Variants in NUP205 observed in about 807,000 individuals in gnomAD.
NUP205 encodes nucleoporin 205.
Under a neutral mutation model 253.8 loss-of-function variants are expected in NUP205, and 76 were observed. That is an observed-to-expected ratio of 0.30 (90% CI 0.25 to 0.36). The LOEUF (loss-of-function observed/expected upper bound fraction) is 0.36, where lower values mean the gene tolerates loss of function less well. Among genes scored for constraint, NUP205 ranks in the 10% least tolerant of loss-of-function variants. NUP205 has a pLI of 1.00. For missense variants in NUP205, 2,162 were observed against 2,425.5 expected (o/e 0.89, Z 2.28); for synonymous variants, 832 against 850.1 (o/e 0.98, Z 0.37).
intron 15 of NUP205, among the ~76,000 whole-genome samples, chr7:135,599,616 G>T (rs1793922585): frequency 6.6e-6 from 1 of 151,814 alleles, no homozygotes. Context: ...TCTTAAAAAG[G>T]TCATTGTGAT....
chr7:135,568,566 T>C (rs1418391811), intron 1 of NUP205, among the ~76,000 whole-genome samples: 1 of 152,098 alleles, frequency 6.6e-6, no homozygotes, highest in Non-Finnish European at 1.5e-5. Flanking sequence ...ACTCCTAGCC[T>C]CAAGTGATCT....
chr7:135,558,660 G>C (rs1204273007), intron 1 of NUP205, among the ~76,000 whole-genome samples: 1 of 152,188 alleles, frequency 6.6e-6, no homozygotes, highest in Non-Finnish European at 1.5e-5. Flanking sequence ...AGTGGTGTTT[G>C]AATGAGTGAG....
At chr7:135,569,476 G>A (rs530650667) in intron 1 of NUP205, among the ~76,000 whole-genome samples, 15 of 151,712 alleles carry the variant, frequency 9.9e-5, no homozygotes, top group Admixed American at 2.6e-4. Flanking sequence ...GTAAATTATG[G>A]TGAAAGTACA....
chr7:135,588,281 C>T (rs1439208747), intron 10 of NUP205, among the ~76,000 whole-genome samples: 2 of 151,052 alleles, frequency 1.3e-5, no homozygotes, highest in Admixed American at 6.6e-5. Flanking sequence ...GTCGGGACTA[C>T]AGGCATACAC....
At chr7:135,642,071 A>G (rs1008505399) in intron 38 of NUP205, among the ~76,000 whole-genome samples, 3 of 151,838 alleles carry the variant, frequency 2.0e-5, no homozygotes, top group Admixed American at 6.6e-5. Context: ...CCTGGCCATC[A>G]TGGTGAAACC....
intron 30 of NUP205, among the ~76,000 whole-genome samples, chr7:135,622,372 A>G (rs1462675703): frequency 2.0e-5 from 3 of 150,884 alleles, no homozygotes; most frequent in African/African-American, 7.3e-5. Context: ...GCAGTGAGCC[A>G]AGATCATGCC....
Position 135,573,753 on chromosome 7 carries a change from A to C in NUP205, c.271A>C (p.Ile91Leu), listed in dbSNP as rs751881234. The C allele has an allele frequency of 1.9e-6, 3 of 1,613,996 alleles. No individual in the cohort carries two copies. The highest frequency in any genetic ancestry group is 1.3e-5 in the African/African-American group (1 of 75,056). The change falls in exon 3 of 43, where the codon ATT becomes CTT. Residue 91 changes from isoleucine to leucine, a missense_variant. By Grantham distance (5) the Ile-to-Leu change is conservative. Coordinates refer to ENST00000285968, the MANE Select transcript of NUP205 (RefSeq NM_015135.3). ...AACTCGACTTCTTCCTGAACAGCTCATTAAAGAAGCCTTTATTCTCAGTGA... is the reference window on the plus strand; with the variant it reads ...AACTCGACTTCTTCCTGAACAGCTCCTTAAAGAAGCCTTTATTCTCAGTGA... ...QGTRLLPEQL[I>L]KEAFILSDLF...
At chr7:135,596,956 C>CA (rs202161616) in intron 13 of NUP205, among the ~76,000 whole-genome samples, 2,627 of 89,348 alleles carry the variant, frequency 0.029, 18 homozygotes, top group Admixed American at 0.032. Context: ...GACTCTGTCT[C>CA]AAAAAAAAAA....
chr7:135,645,091 T>C, intron 40 of NUP205, 73 bp downstream of exon 40: 2 of 1,553,470 alleles, frequency 1.3e-6, no homozygotes, highest in Non-Finnish European at 8.8e-7. Flanking sequence ...TCTCATATTA[T>C]TTGGGCACCA....
intron 1 of NUP205, among the ~76,000 whole-genome samples, chr7:135,570,333 G>A (rs59058263): frequency 1.3e-5 from 2 of 151,690 alleles, no homozygotes; most frequent in Non-Finnish European, 2.9e-5. Flanking sequence ...TCCTGTCCCA[G>A]CCTCCCAAGT....
At chr7:135,634,643 A>G (rs1170845482) in intron 35 of NUP205, among the ~76,000 whole-genome samples, 1 of 152,170 alleles carries the variant, frequency 6.6e-6, no homozygotes, top group Non-Finnish European at 1.5e-5. Flanking sequence ...CTTCTGTGGC[A>G]GGGTAGATGT....
At position 135,588,014 on chromosome 7, in the gene NUP205, T is replaced by G. The variant is rs771186105; in HGVS notation, c.1473+22T>G. On this transcript the variant is annotated intron_variant, in intron 10 of 42. Coordinates refer to ENST00000285968, the MANE Select transcript of NUP205 (RefSeq NM_015135.3). ...CCAGGTGAGTCTTTAGGTTTTCCTC[T>G]TTTATACTCTGGTACTGTGATAGAG... is the stretch of plus-strand genomic sequence containing the variant. 5.0e-6 allele frequency: 8 copies of G among 1,595,074 alleles called. No homozygotes were observed. In the South Asian group the frequency reaches 6.8e-5, roughly 14 times the overall value.
chr7:135,566,480 C>T (rs1026621205), intron 1 of NUP205, among the ~76,000 whole-genome samples: 3 of 152,174 alleles, frequency 2.0e-5, no homozygotes, highest in East Asian at 1.9e-4. Flanking sequence ...ATTTATATGT[C>T]GAGCTATATT....
chr7:135,635,343 T>C (rs1330484855), intron 35 of NUP205: 1 of 306,214 alleles, frequency 3.3e-6, no homozygotes, highest in Non-Finnish European at 5.9e-6. Flanking sequence ...TAAAAATGCC[T>C]TTTAAGATCA....
At chr7:135,568,339 G>T (rs1805843113) in intron 1 of NUP205, among the ~76,000 whole-genome samples, 1 of 151,402 alleles carries the variant, frequency 6.6e-6, no homozygotes, top group African/African-American at 2.4e-5. Flanking sequence ...GTTTTTTATT[G>T]TTGTTGTTGT....
In NUP205 at chr7:135,598,134, C is replaced by T. The variant is rs1257811759; in HGVS notation, c.2201C>T (p.Pro734Leu). ...GAGLRPPGFD[P>L]YLQFLRDSVF... ...GGACTGCGGCCCCCTGGCTTTGACC[C>T]TTATTTGCAGTTCCTTAGAGACTCT... The change falls in exon 15 of 43, where the codon CCT (proline) becomes CTT (leucine). Residue 734 changes from proline (P) to leucine (L), a missense_variant. By Grantham distance (98) the Pro-to-Leu change is moderately conservative (BLOSUM62 -3). Transcript: ENST00000285968. 2 of 1,614,158 alleles carry T rather than the reference C, an allele frequency of 1.2e-6. No homozygotes were observed. Among genetic ancestry groups the T allele is most frequent in the Non-Finnish European group, 8.5e-7 (1 of 1,180,022 alleles).
chr7:135,573,765 T>G lies in NUP205; in HGVS notation c.283T>G (p.Phe95Val), dbSNP rs1806068390. 1 of 1,613,928 alleles carries G rather than the reference T, an allele frequency of 6.2e-7. No homozygotes were observed. The highest frequency in any genetic ancestry group is 1.3e-5 in the African/African-American group (1 of 75,062). ...TCCTGAACAGCTCATTAAAGAAGCCTTTATTCTCAGTGACCTTTTTGATAT... is the reference window on the plus strand; with the variant it reads ...TCCTGAACAGCTCATTAAAGAAGCCGTTATTCTCAGTGACCTTTTTGATAT... ...LLPEQLIKEA[F>V]ILSDLFDIGE... Residue 95 changes from phenylalanine (F) to valine (V), a missense_variant, in exon 3 of 43, where the codon TTT becomes GTT. Around this residue, in one of 5 missense-constraint regions of NUP205, gnomAD observed 109 missense variants for 131.8 expected, o/e 0.83. Coordinates refer to ENST00000285968, the MANE Select transcript of NUP205 (RefSeq NM_015135.3).
intron 17 of NUP205, 133 bp from the exon 18 acceptor site, chr7:135,602,672 G>A: frequency 1.4e-6 from 1 of 708,864 alleles, no homozygotes; most frequent in Non-Finnish European, 2.3e-6. Flanking sequence ...TTTTGCTGCT[G>A]AAAGTTGGAA....
intron 30 of NUP205, among the ~76,000 whole-genome samples, chr7:135,620,464 C>G (rs192059448): frequency 4.7e-4 from 72 of 152,302 alleles, no homozygotes; most frequent in African/African-American, 1.6e-3. Flanking sequence ...ACCCAGGAGG[C>G]AGAGGTTTCC....
Sources: allele counts gnomAD v4.1 joint callset (sites outside exome capture counted in the v4.1 genomes callset), GRCh38; gene constraint gnomAD v4.1.1; regional missense constraint gnomAD v4.1.1; transcripts MANE v1.5; gene names NCBI Gene and HGNC (gene_info 2026-07-23, HGNC 2026-07-21).